The following CSMD1 variants were observed in gnomAD, a reference collection of about 807,000 sequenced individuals.
CSMD1 encodes CUB and Sushi multiple domains 1, also known as CUB and sushi domain-containing protein 1.
CSMD1 carries 213 observed loss-of-function variants against 417.5 expected under a neutral mutation model. The observed-to-expected ratio is 0.51, with a 90% confidence interval of 0.46 to 0.57. The LOEUF (loss-of-function observed/expected upper bound fraction) is 0.57. Among genes scored for constraint, CSMD1 ranks in the 20% least tolerant of loss-of-function variants. The probability of loss-of-function intolerance (pLI) is 0.00; values close to 1 mark genes in which losing one functional copy is unlikely to be tolerated. For missense variants in CSMD1, 6,923 were observed against 4,529.7 expected (o/e 1.53, Z -15.17); for synonymous variants, 2,862 against 1,736.8 (o/e 1.65, Z -16.11).
At chr8:3,041,380 T>C (rs868081745) in intron 50 of CSMD1, among the ~76,000 whole-genome samples, 2 of 152,160 alleles carry the variant, frequency 1.3e-5, no homozygotes, top group Non-Finnish European at 1.5e-5. Context: ...ATCCCAAACA[T>C]AAAGAATCCC....
rs563913798 is a variant in CSMD1, at chr8:3,310,343, TGGGTTTGC to T, written c.3632-1848_3632-1841del. Reference sequence around the variant, plus strand: ...ACTGTTGTTATTGTTGTAGTGTTACTGGGTTTGCGGGTTTGGAAGTGACAGCATCTGAA... The same window carrying T: ...ACTGTTGTTATTGTTGTAGTGTTACTGGGTTTGGAAGTGACAGCATCTGAA... On this transcript the variant is annotated intron_variant, in intron 23 of 69. Transcript: ENST00000635120. Among the ~76,000 whole-genome samples the T allele has an allele frequency of 8.2e-3, 1,243 of 152,334 alleles. 12 individuals are homozygous for T. The highest frequency in any genetic ancestry group is 0.012 in the Non-Finnish European group (816 of 68,034).
At chr8:4,698,227 T>C (rs1302917686) in intron 1 of CSMD1, among the ~76,000 whole-genome samples, 3 of 152,066 alleles carry the variant, frequency 2.0e-5, no homozygotes, top group African/African-American at 7.2e-5. Flanking sequence ...AAGCCCTGGT[T>C]CTTCATCAGT....
At chr8:3,919,737 T>C (rs1241529257) in intron 5 of CSMD1, among the ~76,000 whole-genome samples, 1 of 152,146 alleles carries the variant, frequency 6.6e-6, no homozygotes, top group Non-Finnish European at 1.5e-5. Flanking sequence ...ATGGACATTT[T>C]AAAAATATTA....
intron 7 of CSMD1, among the ~76,000 whole-genome samples, chr8:3,619,256 C>T (rs1297590549): frequency 6.6e-6 from 1 of 152,134 alleles, no homozygotes; most frequent in Non-Finnish European, 1.5e-5. Flanking sequence ...CCCCCAAAAA[C>T]GTGAAAACAC....
At chr8:3,451,832 GT>G (rs1200289622) in intron 12 of CSMD1, among the ~76,000 whole-genome samples, 12 of 152,254 alleles carry the variant, frequency 7.9e-5, no homozygotes, top group African/African-American at 1.9e-4. Context: ...CTTTAAAGTA[GT>G]TTTTTCCAAT....
intron 3 of CSMD1, among the ~76,000 whole-genome samples, chr8:4,096,834 G>T (rs1472220309): frequency 1.3e-5 from 2 of 152,248 alleles, no homozygotes; most frequent in East Asian, 3.9e-4. Flanking sequence ...TATATTTAAT[G>T]GAGGTGTGTG....
chr8:4,967,103 A>G (rs1238794534), intron 1 of CSMD1, among the ~76,000 whole-genome samples: 1 of 152,148 alleles, frequency 6.6e-6, no homozygotes, highest in Non-Finnish European at 1.5e-5. Context: ...GAGCAGATAA[A>G]TTTGTCTTAA....
intron 46 of CSMD1, among the ~76,000 whole-genome samples, chr8:3,105,327 A>T (rs1182393895): frequency 1.3e-5 from 2 of 152,174 alleles, no homozygotes; most frequent in Non-Finnish European, 2.9e-5. Context: ...AAGGAATGAC[A>T]ATAGTTGGAT....
intron 5 of CSMD1, among the ~76,000 whole-genome samples, chr8:3,965,582 T>A (rs2740823): frequency 0.086 from 13,094 of 152,170 alleles, 688 homozygotes; most frequent in Middle Eastern, 0.14. Context: ...GGCCTTAGTG[T>A]TAATGGTTAT....
chr8:3,829,939 C>A (rs928878347), intron 5 of CSMD1, among the ~76,000 whole-genome samples: 11 of 152,148 alleles, frequency 7.2e-5, no homozygotes, highest in African/African-American at 2.6e-4. Flanking sequence ...TGAAAAAAAA[C>A]TGATTTCAAG....
chr8:4,035,965 G>C (rs1014906105), intron 3 of CSMD1, among the ~76,000 whole-genome samples: 1 of 152,134 alleles, frequency 6.6e-6, no homozygotes, highest in Non-Finnish European at 1.5e-5. Context: ...AGTGTCCTAT[G>C]AGAGTGTAAC....
chr8:4,600,214 G>A, intron 2 of CSMD1, among the ~76,000 whole-genome samples: 1 of 82,380 alleles, frequency 1.2e-5, no homozygotes, highest in Admixed American at 1.4e-4. Flanking sequence ...ATCTGGCCAT[G>A]GACCCTCCTC....
chr8:4,940,134 G>C (rs1167518369), intron 1 of CSMD1, among the ~76,000 whole-genome samples: 1 of 152,134 alleles, frequency 6.6e-6, no homozygotes, highest in Non-Finnish European at 1.5e-5. Flanking sequence ...CCCCCTGTGA[G>C]AGCAGGGAGG....
chr8:3,290,488 C>CT (rs1554501610), intron 25 of CSMD1, among the ~76,000 whole-genome samples: 1 of 142,074 alleles, frequency 7.0e-6, no homozygotes, highest in Non-Finnish European at 1.5e-5. Context: ...TTGTTTGTAT[C>CT]CTTTTATTTC....
intron 2 of CSMD1, among the ~76,000 whole-genome samples, chr8:4,623,765 G>C (rs992736195): frequency 6.6e-6 from 1 of 151,844 alleles, no homozygotes; most frequent in Admixed American, 6.6e-5. Flanking sequence ...CATATAATTT[G>C]GCATATATAA....
chr8:3,433,025 A>G (rs1814320282), intron 12 of CSMD1, among the ~76,000 whole-genome samples: 1 of 152,220 alleles, frequency 6.6e-6, no homozygotes, highest in African/African-American at 2.4e-5. Flanking sequence ...CAAACAAGTC[A>G]TTGAAAAAAT....
intron 9 of CSMD1, among the ~76,000 whole-genome samples, chr8:3,580,767 A>G (rs1402536944): frequency 6.6e-6 from 1 of 152,184 alleles, no homozygotes; most frequent in Non-Finnish European, 1.5e-5. Flanking sequence ...TATTATCCTG[A>G]CACTGGATCT....
intron 1 of CSMD1, among the ~76,000 whole-genome samples, chr8:4,793,751 C>T (rs570392549): frequency 6.7e-6 from 1 of 148,780 alleles, no homozygotes; most frequent in Non-Finnish European, 1.5e-5. Context: ...GGGATGTGGA[C>T]ATTCGTTTTA....
At chr8:3,413,850 A>T (rs1041702183) in intron 12 of CSMD1, among the ~76,000 whole-genome samples, 4 of 152,080 alleles carry the variant, frequency 2.6e-5, no homozygotes, top group African/African-American at 9.7e-5. Context: ...TTAGAAACAA[A>T]CACTACAGCC....
Sources: gnomAD v4.1 joint callset for allele counts (sites outside exome capture counted in the v4.1 genomes callset) on GRCh38, gnomAD v4.1.1 for gene constraint, MANE v1.5 for transcripts, NCBI Gene and HGNC (gene_info 2026-07-23, HGNC 2026-07-21) for gene names.